The following C1orf87 variants were observed in gnomAD, a reference collection of about 807,000 sequenced individuals.
C1orf87 encodes the protein chromosome 1 open reading frame 87, also known as uncharacterized protein C1orf87.
In C1orf87, 58 loss-of-function variants were observed where a neutral mutation model predicts 60.5. That is an observed-to-expected ratio of 0.96 (90% CI 0.78 to 1.19). C1orf87 has a LOEUF of 1.19. Ranked by LOEUF, C1orf87 falls within the 50% of genes most tolerant of loss-of-function variation. C1orf87 has a pLI of 0.00. For missense variants in C1orf87, 673 were observed against 638.6 expected (o/e 1.05, Z -0.58); for synonymous variants, 236 against 227.4 (o/e 1.04, Z -0.34).
At chr1:60,003,674 A>T (rs1259790757) in intron 9 of C1orf87, among the ~76,000 whole-genome samples, 2 of 152,086 alleles carry the variant, frequency 1.3e-5, no homozygotes, top group Non-Finnish European at 2.9e-5. Context: ...CAGTTTCTTG[A>T]TGAAGAAGAC....
chr1:60,032,956 C>G (rs186818872), intron 7 of C1orf87, among the ~76,000 whole-genome samples: 1 of 152,178 alleles, frequency 6.6e-6, no homozygotes, highest in South Asian at 2.1e-4. Context: ...TCCAAAGAAG[C>G]CTTATGATGG....
chr1:60,058,601 C>A (rs1216560090), intron 2 of C1orf87, among the ~76,000 whole-genome samples: 11 of 152,120 alleles, frequency 7.2e-5, no homozygotes, highest in Non-Finnish European at 5.9e-5. Context: ...TTATATATTT[C>A]TTAAATCAAC....
chr1:60,031,981 A>AAC (rs56139918), intron 7 of C1orf87, among the ~76,000 whole-genome samples: 15,365 of 149,274 alleles, frequency 0.1, 922 homozygotes, highest in Non-Finnish European at 0.14. Flanking sequence ...ATAATATTCA[A>AAC]ACACACACAC....
At chr1:60,029,714 T>G (rs1645223595) in intron 7 of C1orf87, among the ~76,000 whole-genome samples, 1 of 147,210 alleles carries the variant, frequency 6.8e-6, no homozygotes, top group Non-Finnish European at 1.5e-5. Context: ...GATCTCAGCT[T>G]GCTGCAACCT....
rs10493277 is a variant in C1orf87 at position 60,041,072 on chromosome 1, G to A, written c.402C>T (p.Ser134=). The A allele has an allele frequency of 0.13, 213,826 of 1,612,148 alleles. 15,348 individuals are homozygous for A. The highest frequency in any genetic ancestry group is 0.2 in the East Asian group (8,853 of 44,804). ...SSVPTGDQSL[S]YVHGIPRRKL... is the part of the protein sequence containing the mutation. ...TTCTCCTGGGAATGCCATGCACATA[G>A]GATAAGGACTGGTCTCCGGTTGGTA... The change falls in exon 4 of 12, where the codon TCC becomes TCT. Residue 134 remains serine, a synonymous_variant. Coordinates refer to ENST00000371201, the MANE Select transcript of C1orf87 (RefSeq NM_152377.3).
Position 60,041,129 on chromosome 1 carries a change from A to G in C1orf87, c.345T>C (p.Ile115=), listed in dbSNP as rs1381159171. ...TGCAGTGGACATTTGCTTGACTGGGAATCTTAACAGAACAAGGACAAAGGG... is the reference window on the plus strand; with the variant it reads ...TGCAGTGGACATTTGCTTGACTGGGGATCTTAACAGAACAAGGACAAAGGG... ...ANSSRFLDGN[I]PSQANVHCSS... The change falls in exon 4 of 12, where the codon ATT becomes ATC. Residue 115 remains isoleucine, a splice_region_variant and synonymous_variant. Coordinates refer to ENST00000371201, the MANE Select transcript of C1orf87 (RefSeq NM_152377.3). The G allele has an allele frequency of 6.4e-7, 1 of 1,573,040 alleles. No individual in the cohort carries two copies. Among genetic ancestry groups the G allele is most frequent in the Admixed American group, 1.7e-5 (1 of 58,228 alleles).
intron 3 of C1orf87, among the ~76,000 whole-genome samples, chr1:60,041,801 T>C (rs1367465845): frequency 1.3e-5 from 2 of 152,210 alleles, no homozygotes; most frequent in South Asian, 2.1e-4. Context: ...ATCTTTCATA[T>C]GCAAACCAGT....
At position 60,070,297 on chromosome 1, in the gene C1orf87, T is replaced by C. The variant is rs376348300; in HGVS notation, c.107+2240A>G. ...TGGTTATACAGAAGATTTCTCTTTT[T>C]CTATCCATTATTGATCCATGATTTT... On this transcript the variant is annotated intron_variant, in intron 2 of 11. Coordinates refer to ENST00000371201, the MANE Select transcript of C1orf87 (RefSeq NM_152377.3). Among the ~76,000 whole-genome samples, 2 of 152,234 alleles carry C rather than the reference T, an allele frequency of 1.3e-5. 1 individual carries two copies. Among genetic ancestry groups the C allele is most frequent in the Non-Finnish European group, 2.9e-5 (2 of 68,040 alleles).
At chr1:59,996,256 A>G (rs890206892) in intron 11 of C1orf87, among the ~76,000 whole-genome samples, 2 of 152,200 alleles carry the variant, frequency 1.3e-5, no homozygotes, top group African/African-American at 4.8e-5. Context: ...CCAACTCTTC[A>G]TGAACCACAG....
intron 3 of C1orf87, among the ~76,000 whole-genome samples, chr1:60,049,604 A>G (rs1467772146): frequency 6.6e-6 from 1 of 152,086 alleles, no homozygotes; most frequent in Non-Finnish European, 1.5e-5. Flanking sequence ...TCACTCCTTC[A>G]GTGAAAAGTA....
In C1orf87 at chr1:60,031,342, T is replaced by C. The variant is rs566096002; in HGVS notation, c.1029+2134A>G. Among the ~76,000 whole-genome samples, 276 of 152,340 alleles carry C rather than the reference T, an allele frequency of 1.8e-3. 1 individual carries two copies. Among genetic ancestry groups the C allele is most frequent in the Middle Eastern group, 6.8e-3 (2 of 294 alleles). ...AGTGAGTTCCAGATGTCTTAAGAGA[T>C]GCCAGATGGCTCACGAAAGGCAGAC... On this transcript the variant is annotated intron_variant, in intron 7 of 11. Transcript: ENST00000371201.
At position 60,001,133 on chromosome 1, in the gene C1orf87, CA is replaced by C. The variant is rs1399050478; in HGVS notation, c.1215del (p.Ala406ProfsTer19). 3 of 1,586,746 alleles carry C rather than the reference CA, an allele frequency of 1.9e-6. No individual in the cohort carries two copies. Among genetic ancestry groups the C allele is most frequent in the Non-Finnish European group, 2.6e-6 (3 of 1,170,424 alleles). On this transcript the variant is annotated frameshift_variant, in exon 10 of 12. Coordinates refer to ENST00000371201, the MANE Select transcript of C1orf87 (RefSeq NM_152377.3). LOFTEE classifies it high-confidence loss of function. ...GGGACTTCAGGCTCCATTGGAGGGG[CA>C]GGGGCTTTCTTTTCATTCTTCCCTG... Reference protein sequence around the residue: ...LPTGKNEKKAPAPPMEPEVPE... With the variant: ...LPTGKNEKKAXAPPMEPEVPE...
chr1:60,069,279 T>C (rs1185683469), intron 2 of C1orf87, among the ~76,000 whole-genome samples: 2 of 152,174 alleles, frequency 1.3e-5, no homozygotes, highest in African/African-American at 4.8e-5. Flanking sequence ...AGGAGTCACC[T>C]GAAAATTCAG....
chr1:60,008,400 C>T (rs1009844244), intron 9 of C1orf87, among the ~76,000 whole-genome samples: 3 of 151,910 alleles, frequency 2.0e-5, no homozygotes, highest in Non-Finnish European at 2.9e-5. Flanking sequence ...TTCTGCTATT[C>T]CATATGCTAT....
chr1:60,039,845 G>A, intron 5 of C1orf87, 72 bp downstream of exon 5: 1 of 1,485,798 alleles, frequency 6.7e-7, no homozygotes, highest in South Asian at 1.3e-5. Flanking sequence ...TAACTTCTTA[G>A]TCTTTTACCC....
rs1574304594 is a variant in C1orf87 at position 60,020,389 on chromosome 1, C to T, written c.1127+5012G>A. Among the ~76,000 whole-genome samples, 5 of 152,310 alleles carry T rather than the reference C, an allele frequency of 3.3e-5. No homozygotes were observed. In the South Asian group the frequency reaches 1.0e-3, roughly 32 times the overall value. On this transcript the variant is annotated intron_variant, in intron 8 of 11. Transcript: ENST00000371201. ...TGCAACCGTGTGCTTGGAAAAGCCA[C>T]AGGCATTCAATGCAAGCCTGTGAAA...
chr1:60,072,043 T>C (rs1645587591), intron 2 of C1orf87, among the ~76,000 whole-genome samples: 1 of 152,100 alleles, frequency 6.6e-6, no homozygotes, highest in Non-Finnish European at 1.5e-5. Flanking sequence ...TCTGATGGGT[T>C]TGGAATAGAA....
chr1:60,042,172 C>T (rs547310395), intron 3 of C1orf87, among the ~76,000 whole-genome samples: 11 of 152,272 alleles, frequency 7.2e-5, no homozygotes, highest in African/African-American at 2.4e-4. Flanking sequence ...TGGTATCTTA[C>T]CATATCTGAT....
At chr1:60,071,735 T>G (rs371976343) in intron 2 of C1orf87, among the ~76,000 whole-genome samples, 10 of 152,326 alleles carry the variant, frequency 6.6e-5, no homozygotes, top group African/African-American at 2.4e-4. Context: ...TGATGACAGC[T>G]AGGTTTAGCA....
Sources: allele counts gnomAD v4.1 joint callset (sites outside exome capture counted in the v4.1 genomes callset), GRCh38; gene constraint gnomAD v4.1.1; transcripts MANE v1.5; gene names NCBI Gene and HGNC (gene_info 2026-07-23, HGNC 2026-07-21).